CR1: variants seen among roughly 807,000 people sequenced by gnomAD.
CR1 encodes the protein complement receptor type 1.
A neutral mutation model predicts 187.3 loss-of-function variants in CR1; 116 were observed. The observed-to-expected ratio is 0.62, with a 90% CI of 0.53 to 0.72. CR1 has a LOEUF of 0.72. CR1 is among the 30% of genes least tolerant of loss of function. The pLI is 0.00. For synonymous variants in CR1, 576 were observed against 747.1 expected (o/e 0.77, Z 3.73); for missense variants, 1,731 against 2,110.7 (o/e 0.82, Z 3.52).
intron 1 of CR1, 145 bp from the exon 2 acceptor site, chr1:207,505,759 C>A: frequency 8.4e-6 from 7 of 831,066 alleles, no homozygotes; most frequent in Non-Finnish European, 1.3e-5. Flanking sequence ...TTGCTTGAAC[C>A]CAAGAGGCGG....
intron 4 of CR1, among the ~76,000 whole-genome samples, chr1:207,523,222 T>A (rs1318497307): frequency 6.6e-6 from 1 of 152,198 alleles, no homozygotes; most frequent in Non-Finnish European, 1.5e-5. Flanking sequence ...ATACTTTATC[T>A]TTTAGCAAAT....
At chr1:207,627,153 A>G (rs761072867) in intron 45 of CR1, among the ~76,000 whole-genome samples, 1 of 152,194 alleles carries the variant, frequency 6.6e-6, no homozygotes, top group Non-Finnish European at 1.5e-5. Flanking sequence ...AATGCTCCTC[A>G]AGGAGGTCTA....
intron 46 of CR1, among the ~76,000 whole-genome samples, chr1:207,634,101 C>G (rs1662735836): frequency 6.6e-6 from 1 of 152,102 alleles, no homozygotes; most frequent in Non-Finnish European, 1.5e-5. Flanking sequence ...AGGGCATTTT[C>G]ACTTCTTTTG....
chr1:207,600,792 T>G (rs1273429766), intron 35 of CR1: 1 of 152,166 alleles, frequency 6.6e-6, no homozygotes, highest in Non-Finnish European at 1.5e-5. Flanking sequence ...GGTTAACTAA[T>G]TTGTCCAAAT....
chr1:207,577,488 G>C (rs1347119653), intron 28 of CR1, among the ~76,000 whole-genome samples: 3 of 152,100 alleles, frequency 2.0e-5, no homozygotes, highest in African/African-American at 7.2e-5. Context: ...TTAGAAACCA[G>C]GCTGGGCACG....
intron 35 of CR1, among the ~76,000 whole-genome samples, chr1:207,598,222 G>A (rs1018260161): frequency 1.3e-5 from 2 of 151,776 alleles, no homozygotes; most frequent in East Asian, 3.9e-4. Flanking sequence ...CCTTAAAATG[G>A]TTTTAATGGC....
chr1:207,639,179 C>T (rs1451660144), intron 46 of CR1, among the ~76,000 whole-genome samples: 2 of 152,220 alleles, frequency 1.3e-5, no homozygotes, highest in Non-Finnish European at 2.9e-5. Context: ...AGTCAGGTGG[C>T]TCTTTTTTAT....
At chr1:207,616,186 T>C (rs1662089125) in intron 40 of CR1, among the ~76,000 whole-genome samples, 1 of 152,196 alleles carries the variant, frequency 6.6e-6, no homozygotes, top group African/African-American at 2.4e-5. Context: ...ATAGATTTCC[T>C]TGAAACTTAT....
chr1:207,593,352 T>C (rs1392198970), intron 35 of CR1, among the ~76,000 whole-genome samples: 1 of 152,128 alleles, frequency 6.6e-6, no homozygotes, highest in Admixed American at 6.5e-5. Flanking sequence ...AAACAAGCAA[T>C]GGGGAAAGGA....
rs1660551333 is a variant in CR1, at chr1:207,567,821, T to C, written c.3953-3T>C. ...AAACTTAGAGCTTTTGTATGTTTTCTAGAAATCTTTTGTCCAAGTCCTCCA... is the reference window on the plus strand; with the variant it reads ...AAACTTAGAGCTTTTGTATGTTTTCCAGAAATCTTTTGTCCAAGTCCTCCA... On this transcript the variant is annotated splice_region_variant and splice_polypyrimidine_tract_variant and intron_variant, in intron 24 of 46. Coordinates refer to ENST00000367049, the MANE Select transcript of CR1 (RefSeq NM_000651.6). The C allele has an allele frequency of 1.2e-6, 2 of 1,611,134 alleles. No homozygotes were observed. The highest frequency in any genetic ancestry group is 1.4e-5 in the African/African-American group (1 of 72,582).
chr1:207,607,317 G>T lies in CR1; in HGVS notation c.5877G>T (p.Lys1959Asn), dbSNP rs1661782065. 2 of 1,612,704 alleles carry T rather than the reference G, an allele frequency of 1.2e-6. No individual in the cohort carries two copies. The highest frequency in any genetic ancestry group is 1.7e-6 in the Non-Finnish European group (2 of 1,178,918). Residue 1959 changes from lysine to asparagine, a missense_variant, in exon 36 of 47, where the codon AAG becomes AAT. Transcript: ENST00000367049. Reference protein sequence around the residue: ...LVSGNNVTWDKKAPICEIISC... With the variant: ...LVSGNNVTWDNKAPICEIISC... The stretch of plus-strand genomic sequence containing the variant: ...CAGGCAATAATGTCACATGGGATAA[G>T]AAGGCACCTATTTGTGAGAGTAAGT...
chr1:207,634,899 C>G (rs1373815170), intron 46 of CR1, among the ~76,000 whole-genome samples: 1 of 152,096 alleles, frequency 6.6e-6, no homozygotes, highest in Non-Finnish European at 1.5e-5. Context: ...GTGACCTGTA[C>G]GTTTTCTAGA....
In CR1 at chr1:207,506,831, G is replaced by C. The variant is rs1451764335; in HGVS notation, c.401+18G>C. The C allele has an allele frequency of 3.1e-6, 5 of 1,587,558 alleles. No individual in the cohort carries two copies. In the East Asian group the frequency reaches 1.1e-4, roughly 36 times the overall value. ...ACTAAAGGGTGAGTTGGCATCTCTT[G>C]AACCAACATCTCTTGGTTCAAGAGT... On this transcript the variant is annotated intron_variant, in intron 3 of 46. Coordinates refer to ENST00000367049, the MANE Select transcript of CR1 (RefSeq NM_000651.6).
chr1:207,614,473 T>G lies in CR1; in HGVS notation c.6645T>G (p.Ser2215Arg). Residue 2215 changes from serine to arginine, a missense_variant, in exon 40 of 47, where the codon AGT (serine) becomes AGG (arginine). Ser to Arg is a moderately radical substitution (Grantham distance 110). This residue lies in a region of CR1 where 1,312 missense variants were observed against 1,379.6 expected (regional missense o/e 0.95). Coordinates refer to ENST00000367049, the MANE Select transcript of CR1 (RefSeq NM_000651.6). ...GAATGAAAGCCCTTTGGAATAGCAG[T>G]GTTCCAGTGTGTGAACGTGAGTAGA... ...LAGMKALWNS[S>R]VPVCEQIFCP... 1 of 1,611,018 alleles carries G rather than the reference T, an allele frequency of 6.2e-7. No individual in the cohort carries two copies.
chr1:207,512,197 AG>A (rs1322989372), intron 4 of CR1, among the ~76,000 whole-genome samples: 1 of 152,248 alleles, frequency 6.6e-6, no homozygotes, highest in African/African-American at 2.4e-5. Context: ...TATTTATATT[AG>A]TTAAAATGTT....
intron 2 of CR1, 84 bp from the exon 3 acceptor site, chr1:207,506,630 C>A: frequency 9.1e-7 from 1 of 1,098,958 alleles, no homozygotes; most frequent in Non-Finnish European, 1.4e-6. Context: ...CCTCAGTAAG[C>A]TACAGGCAGG....
chr1:207,584,092 A>AT (rs905146117), intron 32 of CR1, among the ~76,000 whole-genome samples: 10 of 151,504 alleles, frequency 6.6e-5, no homozygotes, highest in East Asian at 1.9e-4. Flanking sequence ...AGTACATAGC[A>AT]TTTTTTTTTC....
rs534268462 is a variant in CR1 at position 207,567,601 on chromosome 1, C to A, written c.3953-223C>A. Among the ~76,000 whole-genome samples, 24 of 150,322 alleles carry A rather than the reference C, an allele frequency of 1.6e-4. 1 individual carries two copies. In the South Asian group the frequency reaches 5.0e-3, roughly 31 times the overall value. On this transcript the variant is annotated intron_variant, in intron 24 of 46. Coordinates refer to ENST00000367049, the MANE Select transcript of CR1 (RefSeq NM_000651.6). ...ATTAAAGTTGTAAAGTTTCTACTGT[C>A]CAGGAACTGTTACTATCCGGAAGAT...
At chr1:207,515,905 T>G (rs1302547557) in intron 4 of CR1, among the ~76,000 whole-genome samples, 1 of 152,184 alleles carries the variant, frequency 6.6e-6, no homozygotes, top group Non-Finnish European at 1.5e-5. Context: ...TTCCAGTTAC[T>G]GCTTTTTCTA....
Sources: allele counts gnomAD v4.1 joint callset (sites outside exome capture counted in the v4.1 genomes callset), GRCh38; gene constraint gnomAD v4.1.1; regional missense constraint gnomAD v4.1.1; transcripts MANE v1.5; gene names NCBI Gene and HGNC (gene_info 2026-07-23, HGNC 2026-07-21).